Variants in SSBP2 observed in about 807,000 individuals in gnomAD.
SSBP2 encodes the protein single stranded DNA binding protein 2.
Under a neutral mutation model 61.8 loss-of-function variants are expected in SSBP2, and 17 were observed. The ratio of observed to expected loss-of-function variants is 0.28; its 90% CI spans 0.19 to 0.41. The LOEUF is 0.41. SSBP2 is among the 10% of genes least tolerant of loss of function. The pLI is 1.00. For synonymous variants in SSBP2, 139 were observed against 141.3 expected, an observed-to-expected ratio of 0.98 and a Z score of 0.12; for missense variants, 310 against 458.7, an observed-to-expected ratio of 0.68 and a Z score of 2.96.
intron 15 of SSBP2, among the ~76,000 whole-genome samples, chr5:81,435,585 T>C (rs963547201): frequency 4.6e-5 from 7 of 152,168 alleles, no homozygotes; most frequent in Admixed American, 1.3e-4. Context: ...ACAGAAGGAA[T>C]AGCAACCGAT....
At chr5:81,677,838 A>G (rs1424473710) in intron 1 of SSBP2, among the ~76,000 whole-genome samples, 1 of 151,700 alleles carries the variant, frequency 6.6e-6, no homozygotes, top group Non-Finnish European at 1.5e-5. Flanking sequence ...TGAAAAAAAA[A>G]AAAAAAAAGC....
At chr5:81,545,016 C>G (rs183347902) in intron 4 of SSBP2, among the ~76,000 whole-genome samples, 17 of 152,294 alleles carry the variant, frequency 1.1e-4, no homozygotes, top group African/African-American at 4.1e-4. Flanking sequence ...GTATGAGACT[C>G]TCACTGACTG....
chr5:81,430,508 C>T (rs1561387438), intron 15 of SSBP2, among the ~76,000 whole-genome samples: 1 of 152,204 alleles, frequency 6.6e-6, no homozygotes, highest in South Asian at 2.1e-4. Context: ...CTTTGCTGCA[C>T]ATTTGCCATA....
chr5:81,446,208 A>G (rs1182541209), intron 12 of SSBP2, among the ~76,000 whole-genome samples: 4 of 152,180 alleles, frequency 2.6e-5, no homozygotes, highest in Non-Finnish European at 5.9e-5. Flanking sequence ...GCATTTTCTA[A>G]GAAGGGTGCG....
At chr5:81,510,760 C>CAAA (rs376717678) in intron 5 of SSBP2, among the ~76,000 whole-genome samples, 2 of 140,530 alleles carry the variant, frequency 1.4e-5, no homozygotes, top group African/African-American at 5.2e-5. Flanking sequence ...AACTCCATCT[C>CAAA]AAAAAAAAAA....
Position 81,528,477 on chromosome 5 carries a change from A to G in SSBP2, c.283-14760T>C, listed in dbSNP as rs190600563. Reference sequence around the variant, plus strand: ...AATGTTAAGTTATGAACATGAATCAATGGTGCTATTAAATATGAAATGTCA... The same window carrying G: ...AATGTTAAGTTATGAACATGAATCAGTGGTGCTATTAAATATGAAATGTCA... On this transcript the variant is annotated intron_variant, in intron 4 of 16. Transcript: ENST00000320672. 1.8e-3 allele frequency among the ~76,000 whole-genome samples: 280 copies of G among 152,160 alleles called. 2 individuals carry two copies. The highest frequency in any genetic ancestry group is 7.9e-4 in the Non-Finnish European group (54 of 67,970).
At chr5:81,482,246 T>G (rs1766047104) in intron 6 of SSBP2, among the ~76,000 whole-genome samples, 1 of 152,110 alleles carries the variant, frequency 6.6e-6, no homozygotes, top group South Asian at 2.1e-4. Context: ...CCTGGCCAGA[T>G]TTAATAAGTT....
intron 6 of SSBP2, among the ~76,000 whole-genome samples, chr5:81,488,063 A>AT (rs1425988492): frequency 1.1e-5 from 1 of 93,796 alleles, no homozygotes; most frequent in East Asian, 3.0e-4. Flanking sequence ...ATATATAAAT[A>AT]AAATATCATA....
At chr5:81,598,683 G>T (rs561181809) in intron 4 of SSBP2, among the ~76,000 whole-genome samples, 1 of 152,154 alleles carries the variant, frequency 6.6e-6, no homozygotes, top group African/African-American at 2.4e-5. Flanking sequence ...ATCCCTATCT[G>T]TTCCCATTTG....
intron 4 of SSBP2, among the ~76,000 whole-genome samples, chr5:81,571,495 C>T (rs1773838530): frequency 6.6e-6 from 1 of 152,086 alleles, no homozygotes; most frequent in African/African-American, 2.4e-5. Flanking sequence ...CTGTGTAGTA[C>T]AATATGTTCA....
At chr5:81,514,022 T>G (rs1336426242) in intron 4 of SSBP2, among the ~76,000 whole-genome samples, 1 of 152,150 alleles carries the variant, frequency 6.6e-6, no homozygotes, top group Non-Finnish European at 1.5e-5. Context: ...AGTAAATGCT[T>G]TATTTTAAGG....
At chr5:81,514,527 T>C (rs1768860792) in intron 4 of SSBP2, among the ~76,000 whole-genome samples, 3 of 151,978 alleles carry the variant, frequency 2.0e-5, no homozygotes, top group South Asian at 4.1e-4. Context: ...ATAGATTTCA[T>C]CCCTCAACCT....
At chr5:81,531,243 G>GAAAAAAAAAAAAAA (rs1205675144) in intron 4 of SSBP2, among the ~76,000 whole-genome samples, 1 of 108,756 alleles carries the variant, frequency 9.2e-6, no homozygotes. Flanking sequence ...AAAAAAAAAA[G>GAAAAAAAAAAAAAA]AAAAAAAAAA....
At chr5:81,730,772 A>G (rs1756211457) in intron 1 of SSBP2, among the ~76,000 whole-genome samples, 1 of 152,322 alleles carries the variant, frequency 6.6e-6, no homozygotes, top group Non-Finnish European at 1.5e-5. Context: ...GTCCAAACTA[A>G]AGTAGAAACT....
At position 81,413,502 on chromosome 5, in the gene SSBP2, G is replaced by C. The variant is rs1238656450; in HGVS notation, c.*7002C>G. ...TATTATAGGTAACAATTTAACACAT[G>C]TAGTAAGAAAACGTCTTAAATTCGG... is the stretch of plus-strand genomic sequence containing the variant. On this transcript the variant is annotated 3_prime_UTR_variant, in exon 17 of 17. Coordinates refer to ENST00000320672, the MANE Select transcript of SSBP2 (RefSeq NM_012446.5). 1 of 152,154 alleles carries C rather than the reference G, an allele frequency of 6.6e-6. No homozygotes were observed. Among genetic ancestry groups the C allele is most frequent in the East Asian group, 1.9e-4 (1 of 5,198 alleles). 9.4% of individuals were successfully genotyped at this position (152,154 alleles called of 1,614,324 possible).
intron 4 of SSBP2, among the ~76,000 whole-genome samples, chr5:81,613,321 C>T (rs1745640969): frequency 6.6e-6 from 1 of 152,004 alleles, no homozygotes; most frequent in Non-Finnish European, 1.5e-5. Context: ...AGGGGTTGTT[C>T]CTCCTTTAAA....
At chr5:81,524,507 C>T (rs908782002) in intron 4 of SSBP2, among the ~76,000 whole-genome samples, 2 of 152,046 alleles carry the variant, frequency 1.3e-5, no homozygotes, top group African/African-American at 4.8e-5. Flanking sequence ...TATTCTCCCA[C>T]TCCTGCTCCT....
At chr5:81,447,275 T>G (rs1763464517) in intron 11 of SSBP2, among the ~76,000 whole-genome samples, 1 of 152,324 alleles carries the variant, frequency 6.6e-6, no homozygotes, top group Non-Finnish European at 1.5e-5. Context: ...TATAGAAAGC[T>G]AAAATGATAT....
chr5:81,565,316 T>C (rs1029536603), intron 4 of SSBP2, among the ~76,000 whole-genome samples: 1 of 152,168 alleles, frequency 6.6e-6, no homozygotes, highest in Non-Finnish European at 1.5e-5. Context: ...TGTTTTAAAA[T>C]GGGTTTTAAA....
Sources: allele counts gnomAD v4.1 joint callset (sites outside exome capture counted in the v4.1 genomes callset), GRCh38; gene constraint gnomAD v4.1.1; transcripts MANE v1.5; gene names NCBI Gene and HGNC (gene_info 2026-07-23, HGNC 2026-07-21).